EPHA5: variants seen among roughly 807,000 people sequenced by gnomAD.
EPHA5 encodes EPH receptor A5.
EPHA5 carries 60 observed loss-of-function variants against 105.0 expected under a neutral mutation model. The ratio of observed to expected loss-of-function variants is 0.57; its 90% CI spans 0.46 to 0.71. The LOEUF is 0.71. Ranked by LOEUF, EPHA5 falls within the 30% of genes least tolerant of loss-of-function variation. EPHA5 has a pLI of 0.00. For missense variants in EPHA5, 1,218 were observed against 1,274.7 expected, an observed-to-expected ratio of 0.96 and a Z score of 0.68; for synonymous variants, 513 against 449.1, an observed-to-expected ratio of 1.14 and a Z score of -1.80.
chr4:65,431,011 C>G (rs77577370), intron 5 of EPHA5, among the ~76,000 whole-genome samples: 38,376 of 151,990 alleles, frequency 0.25, 6,022 homozygotes, highest in Middle Eastern at 0.38. Flanking sequence ...AGTTTTACAA[C>G]TATTTTTGAT....
chr4:65,346,444 C>A (rs1261409883), intron 14 of EPHA5, among the ~76,000 whole-genome samples: 1 of 149,688 alleles, frequency 6.7e-6, no homozygotes, highest in Non-Finnish European at 1.5e-5. Flanking sequence ...CAAAATTTTT[C>A]TTCTATTATT....
intron 16 of EPHA5, 148 bp downstream of exon 16, chr4:65,331,825 C>T: frequency 7.4e-7 from 1 of 1,356,286 alleles, no homozygotes; most frequent in South Asian, 2.1e-5. Flanking sequence ...CAGTTGTTAA[C>T]AATACAGGCT....
chr4:65,420,628 G>C (rs2149037837), intron 5 of EPHA5, 63 bp from the exon 6 acceptor site: 1 of 1,475,834 alleles, frequency 6.8e-7, no homozygotes, highest in Admixed American at 2.2e-5. Context: ...AACCTGTTAT[G>C]TTTATTACGT....
At chr4:65,346,748 TC>T (rs558393370) in intron 14 of EPHA5, among the ~76,000 whole-genome samples, 328 of 152,046 alleles carry the variant, frequency 2.2e-3, no homozygotes, top group Admixed American at 3.5e-3. Flanking sequence ...ATGGCTAACA[TC>T]CAGAATCTAC....
intron 16 of EPHA5, among the ~76,000 whole-genome samples, chr4:65,325,714 A>G (rs1458130952): frequency 6.6e-6 from 1 of 151,264 alleles, no homozygotes; most frequent in Non-Finnish European, 1.5e-5. Context: ...TACAGACCAA[A>G]CGAGGAATAT....
chr4:65,426,655 T>C (rs1400638224), intron 5 of EPHA5, among the ~76,000 whole-genome samples: 1 of 152,168 alleles, frequency 6.6e-6, no homozygotes, highest in South Asian at 2.1e-4. Flanking sequence ...TTAAAGCTAA[T>C]AAAGGATATA....
Position 65,366,308 on chromosome 4 carries a change from A to G in EPHA5, c.1862-251T>C, listed in dbSNP as rs77379668. On this transcript the variant is annotated intron_variant, in intron 9 of 16. Transcript: ENST00000613740. ...AGAAAATACACCTCTCAATCATAATACTTAGAAAGTCTCCAAGGCAAATTA... is the reference window on the plus strand; with the variant it reads ...AGAAAATACACCTCTCAATCATAATGCTTAGAAAGTCTCCAAGGCAAATTA... 8.1e-3 allele frequency among the ~76,000 whole-genome samples: 1,226 copies of G among 151,914 alleles called. 13 individuals are homozygous for G. The highest frequency in any genetic ancestry group is 0.028 in the African/African-American group (1,149 of 41,528).
At chr4:65,637,660 A>G (rs1380492142) in intron 2 of EPHA5, among the ~76,000 whole-genome samples, 1 of 149,572 alleles carries the variant, frequency 6.7e-6, no homozygotes, top group Non-Finnish European at 1.5e-5. Flanking sequence ...TAACATAGAA[A>G]TGCAATAGAA....
intron 2 of EPHA5, among the ~76,000 whole-genome samples, chr4:65,633,490 G>T (rs187977285): frequency 6.6e-6 from 1 of 151,916 alleles, no homozygotes; most frequent in Admixed American, 6.6e-5. Flanking sequence ...TGGGAAGATG[G>T]AAGGAAAAAA....
At chr4:65,555,717 T>A (rs1316137187) in intron 3 of EPHA5, among the ~76,000 whole-genome samples, 1 of 150,156 alleles carries the variant, frequency 6.7e-6, no homozygotes, top group East Asian at 1.9e-4. Flanking sequence ...AGTAATTGAT[T>A]AGTGTGAATT....
At chr4:65,365,236 A>T (rs777656564) in intron 10 of EPHA5, 34 bp from the exon 11 acceptor site, 19 of 1,592,486 alleles carry the variant, frequency 1.2e-5, no homozygotes, top group Non-Finnish European at 1.3e-5. Context: ...GCAAAAACTC[A>T]TTTGAAATTG....
At position 65,566,442 on chromosome 4, in the gene EPHA5, A is replaced by AT. The variant is rs370180131; in HGVS notation, c.910+35198dup. 4.1e-3 allele frequency among the ~76,000 whole-genome samples: 616 copies of AT among 151,856 alleles called. 5 individuals carry two copies. Among genetic ancestry groups the AT allele is most frequent in the African/African-American group, 0.014 (586 of 41,508 alleles). On this transcript the variant is annotated intron_variant, in intron 3 of 16. Coordinates refer to ENST00000613740, the MANE Select transcript of EPHA5 (RefSeq NM_001281766.3). ...TCTTTTGAAATACCTTTCCATATCA[A>AT]TTTTTTCAAGAAATAAACTGTAATG...
intron 5 of EPHA5, among the ~76,000 whole-genome samples, chr4:65,476,418 T>C (rs1266701532): frequency 6.6e-6 from 1 of 151,968 alleles, no homozygotes; most frequent in Non-Finnish European, 1.5e-5. Context: ...AAAAACAAAA[T>C]CATGTCTTTT....
intron 5 of EPHA5, among the ~76,000 whole-genome samples, chr4:65,469,830 C>T (rs1729111749): frequency 6.6e-6 from 1 of 152,040 alleles, no homozygotes; most frequent in Non-Finnish European, 1.5e-5. Flanking sequence ...TAAGATGAAT[C>T]TGGATTAAAT....
chr4:65,481,189 C>T (rs1046047844), intron 5 of EPHA5, among the ~76,000 whole-genome samples: 10 of 152,116 alleles, frequency 6.6e-5, no homozygotes, highest in Admixed American at 6.6e-4. Context: ...ATCACCATCT[C>T]CAAGATTAAG....
At position 65,392,079 on chromosome 4, in the gene EPHA5, T is replaced by C. The variant is rs149339247; in HGVS notation, c.1793+12295A>G. Among the ~76,000 whole-genome samples the C allele has an allele frequency of 1.4e-3, 214 of 152,270 alleles. 2 individuals carry two copies. Among genetic ancestry groups the C allele is most frequent in the African/African-American group, 5.1e-3 (210 of 41,570 alleles). ...CGTTCAGTTTCCTAGGACGGTTTAC[T>C]TCCCACAGTGGGCAATTAGTTGTTG... On this transcript the variant is annotated intron_variant, in intron 8 of 16. Coordinates refer to ENST00000613740, the MANE Select transcript of EPHA5 (RefSeq NM_001281766.3).
At chr4:65,461,015 A>G (rs1728070660) in intron 5 of EPHA5, among the ~76,000 whole-genome samples, 1 of 151,902 alleles carries the variant, frequency 6.6e-6, no homozygotes, top group African/African-American at 2.4e-5. Flanking sequence ...GGAAATAAAC[A>G]AAAATTTACT....
chr4:65,531,198 C>T (rs958559902), intron 3 of EPHA5, among the ~76,000 whole-genome samples: 4 of 149,976 alleles, frequency 2.7e-5, no homozygotes, highest in Admixed American at 1.3e-4. Flanking sequence ...CCACCGCGCC[C>T]GGCTAATTTT....
chr4:65,499,364 C>G (rs1732260150), intron 3 of EPHA5, among the ~76,000 whole-genome samples: 1 of 151,576 alleles, frequency 6.6e-6, no homozygotes, highest in South Asian at 2.1e-4. Context: ...TGCTCAAAAA[C>G]AAAGCAAAAC....
Sources: gnomAD v4.1 joint callset for allele counts (sites outside exome capture counted in the v4.1 genomes callset) on GRCh38, gnomAD v4.1.1 for gene constraint, MANE v1.5 for transcripts, NCBI Gene and HGNC (gene_info 2026-07-23, HGNC 2026-07-21) for gene names.